KALRN: variants seen among roughly 807,000 people sequenced by gnomAD.
KALRN encodes the protein kalirin.
Under a neutral mutation model 353.7 loss-of-function variants are expected in KALRN, and 70 were observed. The observed-to-expected ratio is 0.20, with a 90% confidence interval of 0.16 to 0.24. The LOEUF (loss-of-function observed/expected upper bound fraction) is 0.24, where lower values mean the gene tolerates loss of function less well. KALRN is among the 10% of genes least tolerant of loss of function. The pLI is 1.00. For synonymous variants in KALRN, 1,391 were observed against 1,434.8 expected, an observed-to-expected ratio of 0.97 and a Z score of 0.69; for missense variants, 2,791 against 3,756.7, an observed-to-expected ratio of 0.74 and a Z score of 6.72.
intron 1 of KALRN, among the ~76,000 whole-genome samples, chr3:124,176,597 G>A (rs1366544584): frequency 6.6e-6 from 1 of 152,182 alleles, no homozygotes; most frequent in African/African-American, 2.4e-5. Flanking sequence ...AGGGAGACAA[G>A]CAGGAGAAGC....
chr3:124,420,721 AG>A (rs1363543190), intron 14 of KALRN, among the ~76,000 whole-genome samples: 3 of 152,218 alleles, frequency 2.0e-5, no homozygotes, highest in African/African-American at 7.2e-5. Context: ...ATGTAACACC[AG>A]AAAAAAAAGG....
At chr3:124,066,452 G>A (rs2149243484) in intron 1 of KALRN, among the ~76,000 whole-genome samples, 1 of 152,346 alleles carries the variant, frequency 6.6e-6, no homozygotes, top group South Asian at 2.1e-4. Flanking sequence ...GCCCAGCCAT[G>A]TTGGGTAACC....
chr3:124,532,006 A>G lies in KALRN; in HGVS notation c.4936-30837A>G, dbSNP rs933876615. On this transcript the variant is annotated intron_variant, in intron 33 of 59. Transcript: ENST00000682506. ...TTAGAGAACCAATTCTTAGGGTACAATGGCCTGGTGAGTCTAGTGGGACAT... is the reference window on the plus strand; with the variant it reads ...TTAGAGAACCAATTCTTAGGGTACAGTGGCCTGGTGAGTCTAGTGGGACAT... Among the ~76,000 whole-genome samples, 10 of 152,324 alleles carry G rather than the reference A, an allele frequency of 6.6e-5. No homozygotes were observed. The South Asian group carries it at 1.5e-3, about 22-fold the overall frequency.
At chr3:124,412,561 T>G (rs868084320) in intron 13 of KALRN, among the ~76,000 whole-genome samples, 7 of 152,218 alleles carry the variant, frequency 4.6e-5, no homozygotes, top group African/African-American at 1.7e-4. Context: ...TGTGGATGAT[T>G]GCAGAGATTG....
At chr3:124,080,989 T>A (rs1377558597) in intron 1 of KALRN, among the ~76,000 whole-genome samples, 1 of 152,226 alleles carries the variant, frequency 6.6e-6, no homozygotes, top group African/African-American at 2.4e-5. Context: ...GCTCACTGTA[T>A]GCTCCTAACA....
intron 1 of KALRN, among the ~76,000 whole-genome samples, chr3:124,224,255 T>A (rs1007170428): frequency 5.3e-5 from 8 of 149,642 alleles, no homozygotes; most frequent in African/African-American, 2.0e-4. Flanking sequence ...TGGAAACAGG[T>A]CTATGATTGG....
intron 6 of KALRN, among the ~76,000 whole-genome samples, chr3:124,304,981 T>C (rs966739814): frequency 6.6e-6 from 1 of 152,086 alleles, no homozygotes; most frequent in African/African-American, 2.4e-5. Context: ...AGGGCCCCAA[T>C]CACCCTTAGG....
intron 1 of KALRN, among the ~76,000 whole-genome samples, chr3:124,149,266 A>G (rs1284500613): frequency 1.3e-5 from 2 of 152,176 alleles, no homozygotes; most frequent in South Asian, 2.1e-4. Context: ...GTCTGTAGCA[A>G]AGTCTGCCCA....
At chr3:124,162,039 A>G (rs2150026899) in intron 1 of KALRN, among the ~76,000 whole-genome samples, 1 of 152,348 alleles carries the variant, frequency 6.6e-6, no homozygotes, top group South Asian at 2.1e-4. Flanking sequence ...TGTTCAATGT[A>G]GAACTGCCCA....
At chr3:124,421,953 T>G (rs2092801688) in intron 14 of KALRN, among the ~76,000 whole-genome samples, 1 of 152,220 alleles carries the variant, frequency 6.6e-6, no homozygotes. Flanking sequence ...AGGCTCCCAT[T>G]GTAGGTCAGA....
intron 6 of KALRN, among the ~76,000 whole-genome samples, chr3:124,320,794 T>C: frequency 6.6e-6 from 1 of 152,202 alleles, no homozygotes; most frequent in East Asian, 1.9e-4. Flanking sequence ...AAGGAAAAAC[T>C]TATAGACAAT....
chr3:124,347,371 C>CTGTGTGTGTGTG lies in KALRN; in HGVS notation c.1770+128_1770+139dup, dbSNP rs10663884. ...TTGAAGAGGTGGCTCAGGTGAGAAG[C>CTGTGTGTGTGTG]TGTGTGTGTGTGTGTGTGTGTGTGT... On this transcript the variant is annotated intron_variant, in intron 10 of 59. Coordinates refer to ENST00000682506, the MANE Select transcript of KALRN (RefSeq NM_001388419.1). 64 of 564,126 alleles carry CTGTGTGTGTGTG rather than the reference C, an allele frequency of 1.1e-4. 3 individuals are homozygous for CTGTGTGTGTGTG. Among genetic ancestry groups the CTGTGTGTGTGTG allele is most frequent in the South Asian group, 3.3e-4 (13 of 39,718 alleles). 34.9% of individuals were successfully genotyped at this position (564,126 alleles called of 1,614,324 possible). A position where few individuals can be genotyped will look rare whatever the true frequency, so the allele number is the denominator to read the frequency against.
At chr3:124,265,757 G>A (rs1580249784) in intron 4 of KALRN, among the ~76,000 whole-genome samples, 2 of 152,110 alleles carry the variant, frequency 1.3e-5, no homozygotes, top group Non-Finnish European at 2.9e-5. Flanking sequence ...CATATATAGT[G>A]CATATACATA....
chr3:124,538,271 T>A (rs2068711358), intron 33 of KALRN, among the ~76,000 whole-genome samples: 1 of 151,644 alleles, frequency 6.6e-6, no homozygotes, highest in Admixed American at 6.6e-5. Flanking sequence ...TGTGTGTGTG[T>A]GTGTGTATGT....
rs192650772 is a variant in KALRN at position 124,366,097 on chromosome 3, A to G, written c.1771-18748A>G. Among the ~76,000 whole-genome samples, 19 of 152,324 alleles carry G rather than the reference A, an allele frequency of 1.2e-4. No individual in the cohort carries two copies. In the East Asian group the frequency reaches 3.3e-3, roughly 26 times the overall value. The stretch of plus-strand genomic sequence containing the variant: ...ACCAACATCATGTTTCTTCTAAGCT[A>G]TGATAAGCAATGTCATAAAGTCCAA... On this transcript the variant is annotated intron_variant, in intron 10 of 59. Transcript: ENST00000682506.
chr3:124,325,434 G>T (rs2079794764), intron 6 of KALRN, among the ~76,000 whole-genome samples: 1 of 152,186 alleles, frequency 6.6e-6, no homozygotes, highest in African/African-American at 2.4e-5. Flanking sequence ...GGCTGAAGGA[G>T]GTAGGAGGAA....
intron 7 of KALRN, 108 bp downstream of exon 7, chr3:124,326,279 C>A: frequency 1.3e-6 from 1 of 798,638 alleles, no homozygotes; most frequent in Non-Finnish European, 1.9e-6. Context: ...CTCCACCTGT[C>A]TTTTTGAAAC....
intron 27 of KALRN, among the ~76,000 whole-genome samples, chr3:124,480,085 G>A (rs1392239098): frequency 1.3e-5 from 2 of 152,168 alleles, no homozygotes; most frequent in African/African-American, 4.8e-5. Context: ...TTTGACTGAT[G>A]TAGGCCCCTC....
chr3:124,248,421 G>A (rs2070653158), intron 3 of KALRN, among the ~76,000 whole-genome samples: 1 of 152,226 alleles, frequency 6.6e-6, no homozygotes, highest in Non-Finnish European at 1.5e-5. Flanking sequence ...GTGGCAGAGT[G>A]GGGCAGAGCC....
Sources: allele counts gnomAD v4.1 joint callset (sites outside exome capture counted in the v4.1 genomes callset), GRCh38; gene constraint gnomAD v4.1.1; transcripts MANE v1.5; gene names NCBI Gene and HGNC (gene_info 2026-07-23, HGNC 2026-07-21).